Variants in ADGRB3 observed in about 807,000 individuals in gnomAD.
The protein encoded by ADGRB3 is adhesion G protein-coupled receptor B3.
In ADGRB3, 37 loss-of-function variants were observed where a neutral mutation model predicts 193.4. The observed-to-expected ratio is 0.19, with a 90% confidence interval of 0.15 to 0.25. The LOEUF (loss-of-function observed/expected upper bound fraction) is 0.25, where lower values mean the gene tolerates loss of function less well. Ranked by LOEUF, ADGRB3 falls within the 10% of genes least tolerant of loss-of-function variation. ADGRB3 has a pLI of 1.00. For synonymous variants in ADGRB3, 690 were observed against 644.2 expected, an observed-to-expected ratio of 1.07 and a Z score of -1.08; for missense variants, 1,637 against 1,852.9, an observed-to-expected ratio of 0.88 and a Z score of 2.14.
intron 20 of ADGRB3, among the ~76,000 whole-genome samples, chr6:69,246,353 T>C (rs1434057605): frequency 6.6e-6 from 1 of 152,184 alleles, no homozygotes; most frequent in African/African-American, 2.4e-5. Context: ...TGTAAAATGA[T>C]TTGAAGGTAA....
chr6:69,120,243 G>A (rs1427909222), intron 17 of ADGRB3, among the ~76,000 whole-genome samples: 1 of 152,176 alleles, frequency 6.6e-6, no homozygotes, highest in Non-Finnish European at 1.5e-5. Flanking sequence ...TTATTGAAAT[G>A]TGGTCCCTGA....
At chr6:69,174,426 A>C (rs983677393) in intron 17 of ADGRB3, among the ~76,000 whole-genome samples, 7 of 152,236 alleles carry the variant, frequency 4.6e-5, no homozygotes, top group Non-Finnish European at 1.0e-4. Context: ...TGCAAAGACC[A>C]TGACTTCATT....
chr6:69,324,425 C>T (rs1165343273), intron 20 of ADGRB3, among the ~76,000 whole-genome samples: 2 of 152,054 alleles, frequency 1.3e-5, no homozygotes, highest in African/African-American at 2.4e-5. Flanking sequence ...GTTACTCTTA[C>T]AGATATAATT....
chr6:69,141,040 G>C (rs950851253), intron 17 of ADGRB3, among the ~76,000 whole-genome samples: 2 of 150,694 alleles, frequency 1.3e-5, no homozygotes, highest in African/African-American at 4.9e-5. Flanking sequence ...ACAATATTTG[G>C]ATAGTAAATG....
chr6:68,747,438 T>C (rs1162043539), intron 3 of ADGRB3, among the ~76,000 whole-genome samples: 2 of 152,234 alleles, frequency 1.3e-5, no homozygotes, highest in African/African-American at 4.8e-5. Context: ...AAGAACTTTT[T>C]ATTACAGTCT....
At chr6:68,637,606 A>G (rs2802700) in intron 2 of ADGRB3, 44 bp downstream of exon 2, 152,617 of 152,750 alleles carry the variant, frequency 1, 76,242 homozygotes, top group Middle Eastern at 1. Flanking sequence ...AGCCAGGGTT[A>G]AAATTAAAAA....
intron 3 of ADGRB3, among the ~76,000 whole-genome samples, chr6:68,780,316 G>A (rs1045306515): frequency 8.5e-5 from 13 of 152,128 alleles, no homozygotes; most frequent in Middle Eastern, 3.4e-3. Context: ...TCATAGATAC[G>A]TTGTTTGTTA....
intron 24 of ADGRB3, among the ~76,000 whole-genome samples, chr6:69,336,764 GAAAC>G (rs1253148566): frequency 6.6e-6 from 1 of 151,954 alleles, no homozygotes; most frequent in African/African-American, 2.4e-5. Context: ...CTATAATAAA[GAAAC>G]AAGATCTCAT....
At chr6:68,859,810 T>C (rs1179954152) in intron 3 of ADGRB3, among the ~76,000 whole-genome samples, 4 of 152,156 alleles carry the variant, frequency 2.6e-5, no homozygotes, top group African/African-American at 7.2e-5. Flanking sequence ...TCAGTGTTTA[T>C]TGAGTAGCTA....
intron 3 of ADGRB3, among the ~76,000 whole-genome samples, chr6:68,732,004 G>T (rs1340851594): frequency 1.3e-5 from 2 of 151,566 alleles, no homozygotes; most frequent in Non-Finnish European, 3.0e-5. Flanking sequence ...GTACCTGCAT[G>T]AGTATATTTA....
chr6:68,643,862 G>T (rs978155655), intron 3 of ADGRB3, among the ~76,000 whole-genome samples: 1 of 150,928 alleles, frequency 6.6e-6, no homozygotes, highest in Non-Finnish European at 1.5e-5. Flanking sequence ...AACCCTGGAG[G>T]CAGAGGTTAC....
chr6:68,837,499 CAT>C (rs1167692042), intron 3 of ADGRB3, among the ~76,000 whole-genome samples: 1 of 151,946 alleles, frequency 6.6e-6, no homozygotes, highest in Non-Finnish European at 1.5e-5. Flanking sequence ...TATGATATAA[CAT>C]AGATAAATGT....
chr6:69,043,341 A>AG (rs368899404), intron 13 of ADGRB3, among the ~76,000 whole-genome samples: 1 of 136,838 alleles, frequency 7.3e-6, no homozygotes, highest in Non-Finnish European at 1.6e-5. Flanking sequence ...AGAGAAAGAA[A>AG]AGAAGATTAA....
intron 3 of ADGRB3, among the ~76,000 whole-genome samples, chr6:68,702,759 A>G (rs140981276): frequency 1.6e-3 from 250 of 152,330 alleles, no homozygotes; most frequent in Middle Eastern, 6.8e-3. Flanking sequence ...AAAATAATCA[A>G]TAAAAATCTT....
At chr6:68,733,579 C>T (rs1464682584) in intron 3 of ADGRB3, among the ~76,000 whole-genome samples, 1 of 151,720 alleles carries the variant, frequency 6.6e-6, no homozygotes, top group East Asian at 2.0e-4. Flanking sequence ...CAAACCTCAA[C>T]ATTAGACAAT....
At chr6:69,163,139 T>C (rs1775041442) in intron 17 of ADGRB3, among the ~76,000 whole-genome samples, 1 of 152,052 alleles carries the variant, frequency 6.6e-6, no homozygotes, top group Admixed American at 6.6e-5. Context: ...ATTCTCTTAA[T>C]CATCTCAAAG....
intron 13 of ADGRB3, among the ~76,000 whole-genome samples, chr6:69,038,083 A>T (rs774812809): frequency 2.0e-5 from 3 of 152,168 alleles, no homozygotes; most frequent in Non-Finnish European, 4.4e-5. Flanking sequence ...GGTTTGTTGG[A>T]TAAATACATG....
chr6:68,990,669 T>C (rs895898870), intron 10 of ADGRB3, among the ~76,000 whole-genome samples: 1 of 152,196 alleles, frequency 6.6e-6, no homozygotes, highest in Non-Finnish European at 1.5e-5. Context: ...AGAAAGCATG[T>C]CTAAATGTTT....
At chr6:68,853,761 C>A (rs578251518) in intron 3 of ADGRB3, among the ~76,000 whole-genome samples, 1 of 151,824 alleles carries the variant, frequency 6.6e-6, no homozygotes, top group Non-Finnish European at 1.5e-5. Flanking sequence ...AAAGTAAAAC[C>A]TAAAAAGATG....
Sources: gnomAD v4.1 joint callset for allele counts (sites outside exome capture counted in the v4.1 genomes callset) on GRCh38, gnomAD v4.1.1 for gene constraint, MANE v1.5 for transcripts, NCBI Gene and HGNC (gene_info 2026-07-23, HGNC 2026-07-21) for gene names.